IKZF4: variants seen among roughly 807,000 people sequenced by gnomAD.
IKZF4 encodes zinc finger protein Eos.
A neutral mutation model predicts 47.7 loss-of-function variants in IKZF4; 11 were observed. The observed-to-expected ratio is 0.23, with a 90% CI of 0.15 to 0.38. The LOEUF is 0.38. Among genes scored for constraint, IKZF4 ranks in the 10% least tolerant of loss-of-function variants. The pLI, the probability that IKZF4 is intolerant of heterozygous loss-of-function variation, is 1.00. For synonymous variants in IKZF4, 298 were observed against 299.4 expected (o/e 1.00, Z 0.05); for missense variants, 557 against 784.9 (o/e 0.71, Z 3.47).
chr12:56,025,769 C>T (rs1188910969), intron 3 of IKZF4, among the ~76,000 whole-genome samples: 1 of 152,084 alleles, frequency 6.6e-6, no homozygotes. Context: ...CTCTCTTTGG[C>T]CTGTTGTCCC....
chr12:56,023,863 C>G lies in IKZF4; in HGVS notation c.181+99C>G, dbSNP rs1380578160. 2.0e-6 allele frequency: 3 copies of G among 1,520,644 alleles called. No homozygotes were observed. In the African/African-American group the frequency reaches 4.2e-5, roughly 21 times the overall value. 94.2% of individuals were successfully genotyped at this position (1,520,644 alleles called of 1,614,324 possible). On this transcript the variant is annotated intron_variant, in intron 2 of 7. Transcript: ENST00000547167. Reference sequence around the variant, plus strand: ...TCTCTCTTTCTTGCACTCTCCCTTGCTTTCTCTTTCTCTCTTCCATATTTA... The same window carrying G: ...TCTCTCTTTCTTGCACTCTCCCTTGGTTTCTCTTTCTCTCTTCCATATTTA...
At chr12:56,018,070 A>T, upstream of IKZF4, 62 of 1,019,926 alleles carry the variant, frequency 6.1e-5, no homozygotes, top group Non-Finnish European at 8.2e-5. Context: ...ATTAAAGAAA[A>T]GCCTCCTCCC....
At chr12:56,027,514 TCA>T (rs1304724400) in intron 4 of IKZF4, among the ~76,000 whole-genome samples, 3 of 152,284 alleles carry the variant, frequency 2.0e-5, no homozygotes, top group Middle Eastern at 3.4e-3. Flanking sequence ...CCTGTGGGGC[TCA>T]GTTTTTGGTA....
intron 5 of IKZF4, chr12:56,029,793 G>C (rs1894616242): frequency 6.6e-6 from 1 of 152,156 alleles, no homozygotes. Flanking sequence ...TGAGTTGCGG[G>C]TCACATAGCT....
At chr12:56,022,839 G>T (rs562364473) in intron 1 of IKZF4, among the ~76,000 whole-genome samples, 1 of 135,900 alleles carries the variant, frequency 7.4e-6, no homozygotes, top group South Asian at 2.3e-4. Flanking sequence ...TCGCTCTGTC[G>T]CCCAGGCTGG....
At chr12:56,021,659 C>T (rs1479589421) in intron 1 of IKZF4, 79 bp downstream of exon 1, 2 of 1,537,790 alleles carry the variant, frequency 1.3e-6, no homozygotes, top group Non-Finnish European at 1.8e-6. Flanking sequence ...TAACTACTCC[C>T]AAGCCTGAGG....
chr12:56,015,041 G>A (rs545979044), intron 2 of IKZF4, among the ~76,000 whole-genome samples: 10 of 152,228 alleles, frequency 6.6e-5, no homozygotes, highest in African/African-American at 2.4e-4. Context: ...TGCATGGGGA[G>A]GTGTGTGAGG....
upstream of IKZF4, among the ~76,000 whole-genome samples, chr12:56,018,958 C>T (rs1892493678): frequency 1.3e-5 from 2 of 152,122 alleles, no homozygotes; most frequent in South Asian, 4.1e-4. Context: ...TGGCTCACGC[C>T]TGTAATCCCA....
upstream of IKZF4, among the ~76,000 whole-genome samples, chr12:56,018,476 TCTC>T (rs1252578267): frequency 6.6e-6 from 1 of 152,178 alleles, no homozygotes; most frequent in Non-Finnish European, 1.5e-5. Context: ...TGTGGTTCCT[TCTC>T]CTTTGCTCTG....
Position 56,023,785 on chromosome 12 carries a change from G to A in IKZF4, c.181+21G>A, listed in dbSNP as rs763954234. 5 of 1,610,156 alleles carry A rather than the reference G, an allele frequency of 3.1e-6. No individual in the cohort carries two copies. The African/African-American group carries it at 5.3e-5, about 17-fold the overall frequency. ...TGAAAGTAAGTATGTGCATAGCTGG[G>A]CAATTGGGTAAAGTACTAATAGGTG... On this transcript the variant is annotated intron_variant, in intron 2 of 7. Coordinates refer to ENST00000547167, the MANE Select transcript of IKZF4 (RefSeq NM_022465.4).
rs1292150863 is a variant in IKZF4 at position 56,021,450 on chromosome 12, G to A, written c.-44G>A. 1.3e-6 allele frequency: 2 copies of A among 1,562,334 alleles called. No homozygotes were observed. Among genetic ancestry groups the A allele is most frequent in the South Asian group, 1.2e-5 (1 of 84,940 alleles). ...TTCCAGGAATCCACGCTTCCTGGAAGGTGAGTGGCTGGGCTCACCCCTGCC... is the reference window on the plus strand; with the variant it reads ...TTCCAGGAATCCACGCTTCCTGGAAAGTGAGTGGCTGGGCTCACCCCTGCC... On this transcript the variant is annotated 5_prime_UTR_variant, in exon 1 of 8. Transcript: ENST00000547167.
intron 1 of IKZF4, chr12:56,010,026 CA>C (rs1891152883): frequency 6.6e-6 from 1 of 151,746 alleles, no homozygotes; most frequent in African/African-American, 2.4e-5. Context: ...CCCAACTGGC[CA>C]TCTCTCTCTC....
intron 5 of IKZF4, among the ~76,000 whole-genome samples, chr12:56,031,422 G>A (rs1431568315): frequency 6.6e-6 from 1 of 152,116 alleles, no homozygotes; most frequent in African/African-American, 2.4e-5. Context: ...GAAAGCGGTT[G>A]GAGGATCATT....
chr12:56,028,290 C>A (rs1894348082), intron 5 of IKZF4, among the ~76,000 whole-genome samples: 1 of 151,828 alleles, frequency 6.6e-6, no homozygotes, highest in Non-Finnish European at 1.5e-5. Flanking sequence ...CTTTGGGAGG[C>A]CAAGATGGGC....
At chr12:56,024,725 GT>G in intron 2 of IKZF4, 1 of 1,204,830 alleles carries the variant, frequency 8.3e-7, no homozygotes, top group East Asian at 5.6e-5. Context: ...CTGAACATCT[GT>G]CCCTTCTGCA....
chr12:56,012,260 T>C (rs1342220876), intron 2 of IKZF4, among the ~76,000 whole-genome samples: 1 of 151,888 alleles, frequency 6.6e-6, no homozygotes, highest in African/African-American at 2.4e-5. Context: ...ACATTAAGCA[T>C]GTGTTAAATG....
chr12:56,023,649 G>C (rs1893452142), intron 1 of IKZF4, 22 bp from the exon 2 acceptor site: 1 of 1,612,600 alleles, frequency 6.2e-7, no homozygotes, highest in Non-Finnish European at 8.5e-7. Flanking sequence ...CTGAGTGGTT[G>C]TTTTCTTCCC....
At chr12:56,025,230 A>G in intron 3 of IKZF4, 72 bp downstream of exon 3, 1 of 1,427,044 alleles carries the variant, frequency 7.0e-7, no homozygotes, top group South Asian at 1.5e-5. Flanking sequence ...TTCACCTTCC[A>G]CTGGCAACCA....
intron 7 of IKZF4, among the ~76,000 whole-genome samples, chr12:56,033,729 G>GGAAA (rs1173044777): frequency 3.3e-5 from 5 of 151,768 alleles, no homozygotes; most frequent in Admixed American, 6.6e-5. Context: ...AAAGAAAAAA[G>GGAAA]GAAAGAAAGA....
Sources: allele counts gnomAD v4.1 joint callset (sites outside exome capture counted in the v4.1 genomes callset), GRCh38; gene constraint gnomAD v4.1.1; transcripts MANE v1.5; gene names NCBI Gene and HGNC (gene_info 2026-07-23, HGNC 2026-07-21).